Variants in TMEM71 observed in about 807,000 individuals in gnomAD.
TMEM71 encodes transmembrane protein 71.
Under a neutral mutation model 38.0 loss-of-function variants are expected in TMEM71, and 44 were observed. That is an observed-to-expected ratio of 1.16 (90% CI 0.91 to 1.49). The LOEUF is 1.49. TMEM71 is among the 40% of genes most tolerant of loss of function. The pLI is 0.00. For synonymous variants in TMEM71, 133 were observed against 122.5 expected (o/e 1.09, Z -0.56); for missense variants, 367 against 348.6 (o/e 1.05, Z -0.42).
At chr8:132,715,115 GAA>G (rs1396933177) in intron 7 of TMEM71, among the ~76,000 whole-genome samples, 4 of 152,064 alleles carry the variant, frequency 2.6e-5, no homozygotes, top group Admixed American at 6.5e-5. Flanking sequence ...AGTTAAGAAT[GAA>G]AAGAGTGCAG....
chr8:132,765,133 T>TA (rs780216601), upstream of TMEM71, among the ~76,000 whole-genome samples: 12 of 152,332 alleles, frequency 7.9e-5, no homozygotes, highest in Non-Finnish European at 1.5e-4. Context: ...GATGGCTTTG[T>TA]AATATGTTAA....
chr8:132,763,625 A>G (rs1036902598), upstream of TMEM71, among the ~76,000 whole-genome samples: 2 of 152,194 alleles, frequency 1.3e-5, no homozygotes, highest in Non-Finnish European at 2.9e-5. Flanking sequence ...CGGACTTGCT[A>G]CTATACACAG....
rs1829075278 is a variant in TMEM71, at chr8:132,757,239, G to A, written c.96C>T (p.Phe32=). The change falls in exon 3 of 10, where the codon TTC becomes TTT. Residue 32 remains phenylalanine, a synonymous_variant. Coordinates refer to ENST00000677595, the MANE Select transcript of TMEM71 (RefSeq NM_001382403.1). ...YAGELSPTCI[F]PSFTCDSLDG... ...AAAGAAGCCCCATAGTATACCTTGG[G>A]AAAATGCACGTGGGAGACAGCTCTC... 1.2e-6 allele frequency: 2 copies of A among 1,609,748 alleles called. No individual in the cohort carries two copies. The highest frequency in any genetic ancestry group is 1.7e-6 in the Non-Finnish European group (2 of 1,177,026).
At chr8:132,761,223 A>T (rs1242968273), upstream of TMEM71, among the ~76,000 whole-genome samples, 4 of 152,230 alleles carry the variant, frequency 2.6e-5, no homozygotes, top group African/African-American at 9.6e-5. Flanking sequence ...GTACCACTGC[A>T]TAGTGGAAAG....
intron 4 of TMEM71, among the ~76,000 whole-genome samples, chr8:132,748,717 T>C (rs1828527654): frequency 1.3e-5 from 2 of 152,256 alleles, no homozygotes; most frequent in Non-Finnish European, 2.9e-5. Context: ...TTATTAAGTA[T>C]GTATTATGGG....
In TMEM71 at chr8:132,758,558, C is replaced by G. The variant is rs542708474; in HGVS notation, c.40+282G>C. The G allele has an allele frequency of 1.9e-5, 7 of 362,618 alleles. No individual in the cohort carries two copies. The South Asian group carries it at 2.6e-4, about 13-fold the overall frequency. 22.5% of individuals were successfully genotyped at this position (362,618 alleles called of 1,614,324 possible). A position where few individuals can be genotyped will look rare whatever the true frequency, so the allele number is the denominator to read the frequency against. ...TTTTTATATACAAACAGTTTTGCAT[C>G]TTAATAGTAGCTGATAAACAATCTC... On this transcript the variant is annotated intron_variant, in intron 2 of 9. Coordinates refer to ENST00000677595, the MANE Select transcript of TMEM71 (RefSeq NM_001382403.1).
intron 3 of TMEM71, among the ~76,000 whole-genome samples, chr8:132,755,730 A>G (rs1260631223): frequency 6.6e-6 from 1 of 152,226 alleles, no homozygotes; most frequent in Non-Finnish European, 1.5e-5. Context: ...CAATGAATAT[A>G]TGCACTCAGC....
Position 132,752,736 on chromosome 8 carries a change from C to A in TMEM71, c.102-739G>T, listed in dbSNP as rs191633590. 1.6e-3 allele frequency among the ~76,000 whole-genome samples: 235 copies of A among 145,278 alleles called. 3 individuals carry two copies. Among genetic ancestry groups the A allele is most frequent in the African/African-American group, 5.7e-3 (220 of 38,270 alleles). ...TCCAGCCTGGGCACCATAGCAAAGA[C>A]CCTGTATCTAAAGGAAGGAAGAAGA... On this transcript the variant is annotated intron_variant, in intron 3 of 9. Transcript: ENST00000677595.
intron 4 of TMEM71, among the ~76,000 whole-genome samples, chr8:132,749,159 C>A (rs902081379): frequency 6.6e-6 from 1 of 152,076 alleles, no homozygotes; most frequent in African/African-American, 2.4e-5. Context: ...GGGTGCCTAA[C>A]CAATGTAAGA....
At chr8:132,748,430 G>A (rs1045873516) in intron 4 of TMEM71, among the ~76,000 whole-genome samples, 4 of 152,176 alleles carry the variant, frequency 2.6e-5, no homozygotes, top group African/African-American at 7.2e-5. Flanking sequence ...AATGCACAGG[G>A]CAGTTGCCCA....
intron 6 of TMEM71, among the ~76,000 whole-genome samples, chr8:132,724,091 A>G (rs1166791562): frequency 6.6e-6 from 1 of 152,190 alleles, no homozygotes; most frequent in Non-Finnish European, 1.5e-5. Context: ...CAAAAAGGAG[A>G]ACAAAGATCA....
At chr8:132,728,124 A>G in intron 5 of TMEM71, 138 bp from the exon 6 acceptor site, 1 of 600,104 alleles carries the variant, frequency 1.7e-6, no homozygotes, top group Non-Finnish European at 2.7e-6. Flanking sequence ...TTGCACTACC[A>G]TAGTGGGATG....
chr8:132,744,398 G>A (rs1828218372), intron 5 of TMEM71, among the ~76,000 whole-genome samples: 1 of 152,098 alleles, frequency 6.6e-6, no homozygotes, highest in Admixed American at 6.5e-5. Flanking sequence ...CAACATTCAA[G>A]CTGAGAGCCA....
downstream of TMEM71, among the ~76,000 whole-genome samples, chr8:132,708,118 T>G (rs1044907703): frequency 2.0e-5 from 3 of 152,216 alleles, no homozygotes; most frequent in Non-Finnish European, 4.4e-5. Context: ...GAATCTTTTG[T>G]GTACAGCAGA....
the TMEM71 span, among the ~76,000 whole-genome samples, chr8:132,767,293 A>T: frequency 6.6e-6 from 1 of 152,276 alleles, no homozygotes; most frequent in African/African-American, 2.4e-5. Flanking sequence ...TGTAGAAGTT[A>T]GCAAATGGGA....
At position 132,711,097 on chromosome 8, in the gene TMEM71, C is replaced by T. The variant is rs886564320; in HGVS notation, c.873-115G>A. ...ATATAAGCACACACCCACACCCATA[C>T]CCACAACGGGCCTGAATTATCACAA... On this transcript the variant is annotated intron_variant, in intron 9 of 9. Coordinates refer to ENST00000677595, the MANE Select transcript of TMEM71 (RefSeq NM_001382403.1). The T allele has an allele frequency of 1.5e-4, 140 of 905,544 alleles. 1 individual carries two copies. The South Asian group carries it at 1.7e-3, about 11-fold the overall frequency. The allele number at this position is 905,544 out of a possible 1,614,324, so 56.1% of individuals were successfully genotyped here. A position where few individuals can be genotyped will look rare whatever the true frequency, so the allele number is the denominator to read the frequency against.
chr8:132,709,070 C>T (rs557219534), downstream of TMEM71, among the ~76,000 whole-genome samples: 3 of 152,202 alleles, frequency 2.0e-5, no homozygotes, highest in South Asian at 2.1e-4. Context: ...ATTATATGCA[C>T]GTAAACAGTT....
At chr8:132,706,187 G>A (rs952481598), downstream of TMEM71, among the ~76,000 whole-genome samples, 5 of 152,102 alleles carry the variant, frequency 3.3e-5, no homozygotes, top group Non-Finnish European at 7.3e-5. Context: ...AAAAATACAT[G>A]TTTGTTGGGT....
At chr8:132,711,026 T>C (rs766015733) in intron 9 of TMEM71, 44 bp from the exon 10 acceptor site, 1 of 1,595,740 alleles carries the variant, frequency 6.3e-7, no homozygotes, top group Non-Finnish European at 8.5e-7. Context: ...TTCATCCCCA[T>C]GCACAGGAAA....
Sources: allele counts gnomAD v4.1 joint callset (sites outside exome capture counted in the v4.1 genomes callset), GRCh38; gene constraint gnomAD v4.1.1; transcripts MANE v1.5; gene names NCBI Gene and HGNC (gene_info 2026-07-23, HGNC 2026-07-21).